PTPRR: variants seen among roughly 807,000 people sequenced by gnomAD.
The protein encoded by PTPRR is receptor-type tyrosine-protein phosphatase R.
In PTPRR, 38 loss-of-function variants were observed where a neutral mutation model predicts 77.2. That is an observed-to-expected ratio of 0.49 (90% confidence interval 0.38 to 0.65). PTPRR has a LOEUF of 0.65. Ranked by LOEUF, PTPRR falls within the 30% of genes least tolerant of loss-of-function variation. PTPRR has a pLI of 0.00. For missense variants in PTPRR, 744 were observed against 799.2 expected (o/e 0.93, Z 0.83); for synonymous variants, 299 against 283.1 (o/e 1.06, Z -0.57).
chr12:70,823,763 G>A (rs1350444817), intron 2 of PTPRR, among the ~76,000 whole-genome samples: 2 of 152,148 alleles, frequency 1.3e-5, no homozygotes, highest in African/African-American at 2.4e-5. Context: ...AGCACACGGA[G>A]GATTCAGAGG....
intron 2 of PTPRR, among the ~76,000 whole-genome samples, chr12:70,861,220 T>G (rs1257297819): frequency 1.3e-5 from 2 of 152,034 alleles, no homozygotes; most frequent in African/African-American, 2.4e-5. Context: ...GAATGAGAGG[T>G]GGGATGCTCA....
intron 1 of PTPRR, among the ~76,000 whole-genome samples, chr12:70,898,212 G>A (rs12423117): frequency 0.19 from 25,598 of 138,186 alleles, 2,294 homozygotes; most frequent in Middle Eastern, 0.21. Context: ...CTGAATTAAA[G>A]CAATTAGAGA....
chr12:70,749,020 G>T (rs556406569), intron 5 of PTPRR, among the ~76,000 whole-genome samples: 1 of 152,136 alleles, frequency 6.6e-6, no homozygotes, highest in Admixed American at 6.5e-5. Flanking sequence ...ACAGCACAGA[G>T]GTATAATGTG....
chr12:70,886,437 G>A (rs1272717291), intron 2 of PTPRR, among the ~76,000 whole-genome samples: 1 of 152,036 alleles, frequency 6.6e-6, no homozygotes, highest in African/African-American at 2.4e-5. Flanking sequence ...CTTTTTCTAG[G>A]CTTTCTTAAA....
chr12:70,855,687 G>A (rs1892639462), intron 2 of PTPRR, among the ~76,000 whole-genome samples: 1 of 152,130 alleles, frequency 6.6e-6, no homozygotes, highest in Non-Finnish European at 1.5e-5. Flanking sequence ...CTACCTCACT[G>A]AGATACTTTG....
intron 10 of PTPRR, among the ~76,000 whole-genome samples, chr12:70,669,779 T>C (rs1486373122): frequency 6.6e-6 from 1 of 152,070 alleles, no homozygotes; most frequent in African/African-American, 2.4e-5. Flanking sequence ...AAAATTTCAT[T>C]TGTAGAGACA....
chr12:70,712,484 C>T (rs1355822192), intron 6 of PTPRR, among the ~76,000 whole-genome samples: 1 of 150,162 alleles, frequency 6.7e-6, no homozygotes, highest in Non-Finnish European at 1.5e-5. Context: ...AAAATAATTG[C>T]AAGATAACCC....
At chr12:70,771,685 C>T (rs1890981590) in intron 2 of PTPRR, among the ~76,000 whole-genome samples, 1 of 151,980 alleles carries the variant, frequency 6.6e-6, no homozygotes, top group South Asian at 2.1e-4. Context: ...TAGTTTAGTT[C>T]CAGATGACAG....
intron 2 of PTPRR, among the ~76,000 whole-genome samples, chr12:70,824,915 TTTACA>T (rs1300322494): frequency 6.6e-6 from 1 of 152,224 alleles, no homozygotes; most frequent in Non-Finnish European, 1.5e-5. Context: ...TTCTAAGTGC[TTTACA>T]TACTCCTCAC....
At chr12:70,792,589 A>C in intron 2 of PTPRR, among the ~76,000 whole-genome samples, 1 of 152,278 alleles carries the variant, frequency 6.6e-6, no homozygotes, top group East Asian at 1.9e-4. Context: ...AATTATTTTA[A>C]AGATAGTTTA....
In PTPRR at chr12:70,762,445, A is replaced by C. The variant is rs143768203; in HGVS notation, c.472-819T>G. Among the ~76,000 whole-genome samples, 328 of 152,326 alleles carry C rather than the reference A, an allele frequency of 2.2e-3. 2 individuals are homozygous for C. The highest frequency in any genetic ancestry group is 7.6e-3 in the African/African-American group (316 of 41,582). ...TCTCATGCTAGAAAGTTTTCTTTTA[A>C]TGTGCTTTATCAGAATTTTAGCTGG... is the stretch of plus-strand genomic sequence containing the variant. On this transcript the variant is annotated intron_variant, in intron 3 of 13. Transcript: ENST00000283228.
intron 2 of PTPRR, among the ~76,000 whole-genome samples, chr12:70,778,911 T>A (rs988382668): frequency 6.6e-6 from 1 of 152,234 alleles, no homozygotes; most frequent in African/African-American, 2.4e-5. Flanking sequence ...AGTGGCACGA[T>A]CTCAGCTCAC....
chr12:70,868,922 A>G (rs1220130606), intron 2 of PTPRR, among the ~76,000 whole-genome samples: 13 of 151,370 alleles, frequency 8.6e-5, no homozygotes, highest in Non-Finnish European at 1.9e-4. Flanking sequence ...TTCTCAGCAA[A>G]CTATCACAAG....
intron 12 of PTPRR, 43 bp downstream of exon 12, chr12:70,660,897 G>A: frequency 6.4e-7 from 1 of 1,555,218 alleles, no homozygotes; most frequent in South Asian, 1.2e-5. Context: ...ACTTTACAAA[G>A]AATGGGCCAT....
At chr12:70,778,111 C>T (rs1003799933) in intron 2 of PTPRR, among the ~76,000 whole-genome samples, 1 of 152,170 alleles carries the variant, frequency 6.6e-6, no homozygotes, top group Non-Finnish European at 1.5e-5. Flanking sequence ...GCTCTATTTC[C>T]TGAGGCATTA....
intron 2 of PTPRR, among the ~76,000 whole-genome samples, chr12:70,776,016 A>G (rs567583831): frequency 3.1e-4 from 47 of 152,184 alleles, no homozygotes; most frequent in Non-Finnish European, 5.7e-4. Flanking sequence ...TCTATATTAC[A>G]CATTTCCACC....
intron 6 of PTPRR, among the ~76,000 whole-genome samples, chr12:70,728,570 T>C (rs1889542238): frequency 7.7e-6 from 1 of 129,968 alleles, no homozygotes; most frequent in Admixed American, 8.2e-5. Context: ...TATATGCCAG[T>C]TGAGGATCCC....
At chr12:70,725,496 C>G (rs996849287) in intron 6 of PTPRR, among the ~76,000 whole-genome samples, 14 of 151,986 alleles carry the variant, frequency 9.2e-5, no homozygotes, top group African/African-American at 3.4e-4. Context: ...AGAAGTCCCC[C>G]CACCTCCCCA....
At chr12:70,648,378 G>A (rs1300412975) in intron 13 of PTPRR, among the ~76,000 whole-genome samples, 1 of 152,168 alleles carries the variant, frequency 6.6e-6, no homozygotes, top group African/African-American at 2.4e-5. Flanking sequence ...AAGCCAGTTG[G>A]TCACTCTGCA....
Sources: gnomAD v4.1 joint callset for allele counts (sites outside exome capture counted in the v4.1 genomes callset) on GRCh38, gnomAD v4.1.1 for gene constraint, MANE v1.5 for transcripts, NCBI Gene and HGNC (gene_info 2026-07-23, HGNC 2026-07-21) for gene names.